Variants in FGGY observed in about 807,000 individuals in gnomAD.
FGGY encodes the protein FGGY carbohydrate kinase domain-containing protein.
Under a neutral mutation model 71.3 loss-of-function variants are expected in FGGY, and 72 were observed. The ratio of observed to expected loss-of-function variants is 1.01; its 90% CI spans 0.84 to 1.23. FGGY has a LOEUF of 1.23. Ranked by LOEUF, FGGY falls within the 50% of genes most tolerant of loss-of-function variation. The pLI, the probability that FGGY is intolerant of heterozygous loss-of-function variation, is 0.00. For missense variants in FGGY, 668 were observed against 682.3 expected (o/e 0.98, Z 0.23); for synonymous variants, 251 against 250.3 (o/e 1.00, Z -0.02).
chr1:59,314,364 A>G (rs1337612277), intron 1 of FGGY, among the ~76,000 whole-genome samples: 1 of 152,226 alleles, frequency 6.6e-6, no homozygotes, highest in Non-Finnish European at 1.5e-5. Context: ...AGAAGGCTGT[A>G]GAGTGTCTTT....
rs564163042 is a variant in FGGY, at chr1:59,695,901, T to G, written c.1512+21768T>G. Among the ~76,000 whole-genome samples, 68 of 148,678 alleles carry G rather than the reference T, an allele frequency of 4.6e-4. 2 individuals are homozygous for G. The South Asian group carries it at 0.011, about 25-fold the overall frequency. On this transcript the variant is annotated intron_variant, in intron 14 of 15. Coordinates refer to ENST00000303721, the MANE Select transcript of FGGY (RefSeq NM_018291.5). ...CATTTGATGTAGAAAGTCCTGTGGG[T>G]TTTTTTTTTATATATTACTTGTCAG...
intron 5 of FGGY, among the ~76,000 whole-genome samples, chr1:59,414,277 A>G (rs1023361218): frequency 2.0e-5 from 3 of 152,184 alleles, no homozygotes; most frequent in African/African-American, 7.2e-5. Flanking sequence ...GTGACCTGGC[A>G]TACTGTATTC....
In FGGY at chr1:59,584,097, T is replaced by G. The variant is rs979851377; in HGVS notation, c.904-23706T>G. On this transcript the variant is annotated intron_variant, in intron 8 of 15. Coordinates refer to ENST00000303721, the MANE Select transcript of FGGY (RefSeq NM_018291.5). ...TTCTACCAGAGGTACAAGGAGGAAT[T>G]GGTACCATTCCTTCTGAAACTATTC... 7.3e-5 allele frequency among the ~76,000 whole-genome samples: 11 copies of G among 149,856 alleles called. 3 individuals carry two copies. The highest frequency in any genetic ancestry group is 2.8e-4 in the African/African-American group (11 of 39,608).
intron 9 of FGGY, 46 bp downstream of exon 9, chr1:59,607,956 T>C (rs1019796133): frequency 7.4e-6 from 11 of 1,490,990 alleles, no homozygotes; most frequent in Non-Finnish European, 1.0e-5. Context: ...TTTTATGTCA[T>C]TGATTAGTCC....
chr1:59,335,681 A>G (rs1425152176), intron 2 of FGGY, among the ~76,000 whole-genome samples: 1 of 152,088 alleles, frequency 6.6e-6, no homozygotes, highest in Non-Finnish European at 1.5e-5. Context: ...AACACTTGGT[A>G]TTGTCAGTCT....
intron 6 of FGGY, among the ~76,000 whole-genome samples, chr1:59,475,423 G>A (rs2093214642): frequency 6.6e-6 from 1 of 152,146 alleles, no homozygotes; most frequent in South Asian, 2.1e-4. Context: ...ATTAATAATG[G>A]CTAATGTTCC....
intron 7 of FGGY, among the ~76,000 whole-genome samples, chr1:59,541,404 G>GACAGC (rs1276380873): frequency 1.3e-5 from 2 of 152,110 alleles, no homozygotes; most frequent in African/African-American, 4.8e-5. Context: ...AGTGCCCACC[G>GACAGC]ACAGCACAGC....
At chr1:59,352,307 T>A (rs1164649350) in intron 4 of FGGY, among the ~76,000 whole-genome samples, 2 of 152,166 alleles carry the variant, frequency 1.3e-5, no homozygotes, top group African/African-American at 4.8e-5. Flanking sequence ...GGGAGGTAAT[T>A]AACGTGGCTT....
intron 6 of FGGY, among the ~76,000 whole-genome samples, chr1:59,503,594 C>CATATATAT (rs71046332): frequency 0.033 from 4,201 of 127,498 alleles, 114 homozygotes; most frequent in African/African-American, 0.069. Flanking sequence ...GTGGTGTCGC[C>CATATATAT]ATATATATAT....
chr1:59,501,753 A>G (rs946119945), intron 6 of FGGY, among the ~76,000 whole-genome samples: 2 of 152,212 alleles, frequency 1.3e-5, no homozygotes, highest in Non-Finnish European at 2.9e-5. Context: ...TTTTTGTGCT[A>G]GAAAACTGAA....
intron 8 of FGGY, among the ~76,000 whole-genome samples, chr1:59,590,614 G>A (rs2096412260): frequency 6.6e-6 from 1 of 152,126 alleles, no homozygotes; most frequent in African/African-American, 2.4e-5. Flanking sequence ...TTCATCCCTG[G>A]GATGTAAGGC....
chr1:59,312,377 C>T (rs1440446874), intron 1 of FGGY, among the ~76,000 whole-genome samples: 1 of 152,200 alleles, frequency 6.6e-6, no homozygotes, highest in Non-Finnish European at 1.5e-5. Flanking sequence ...ACTCTTTCAA[C>T]ATTTCAGTTT....
chr1:59,519,436 G>T (rs777605325), intron 7 of FGGY, among the ~76,000 whole-genome samples: 9 of 152,136 alleles, frequency 5.9e-5, no homozygotes, highest in Non-Finnish European at 1.2e-4. Context: ...GAAGGCTTTG[G>T]AAAAACATAA....
chr1:59,362,793 CT>C (rs1188755342), intron 4 of FGGY, among the ~76,000 whole-genome samples: 1 of 152,164 alleles, frequency 6.6e-6, no homozygotes, highest in Non-Finnish European at 1.5e-5. Flanking sequence ...TACATTCTTC[CT>C]GCATGTTTCA....
At chr1:59,509,273 C>T (rs780904789) in intron 6 of FGGY, among the ~76,000 whole-genome samples, 9 of 152,186 alleles carry the variant, frequency 5.9e-5, no homozygotes, top group Non-Finnish European at 4.4e-5. Context: ...TCTACATCTC[C>T]GTTACCAATA....
At chr1:59,329,007 A>G (rs1008240245) in intron 2 of FGGY, among the ~76,000 whole-genome samples, 6 of 152,244 alleles carry the variant, frequency 3.9e-5, no homozygotes, top group Non-Finnish European at 7.3e-5. Flanking sequence ...GAATTACCAG[A>G]ATGTGACACA....
chr1:59,744,836 A>G (rs891292936), intron 14 of FGGY, among the ~76,000 whole-genome samples: 4 of 152,220 alleles, frequency 2.6e-5, no homozygotes, highest in Non-Finnish European at 5.9e-5. Flanking sequence ...ACCCTTTGAC[A>G]TCTCACAGTC....
intron 10 of FGGY, among the ~76,000 whole-genome samples, chr1:59,632,260 A>G (rs2096915067): frequency 6.6e-6 from 1 of 152,240 alleles, no homozygotes; most frequent in Non-Finnish European, 1.5e-5. Context: ...CCAGCCATTG[A>G]TAAATGCTCT....
intron 6 of FGGY, among the ~76,000 whole-genome samples, chr1:59,498,390 T>A (rs1052291732): frequency 5.9e-5 from 9 of 152,192 alleles, no homozygotes; most frequent in African/African-American, 2.2e-4. Context: ...CTGTGCCTAT[T>A]TCTGCTTATG....
Sources: gnomAD v4.1 joint callset for allele counts (sites outside exome capture counted in the v4.1 genomes callset) on GRCh38, gnomAD v4.1.1 for gene constraint, MANE v1.5 for transcripts, NCBI Gene and HGNC (gene_info 2026-07-23, HGNC 2026-07-21) for gene names.